The following ARSB variants were observed in gnomAD, a reference collection of about 807,000 sequenced individuals.
The protein encoded by ARSB is arylsulfatase B.
ARSB carries 41 observed loss-of-function variants against 50.9 expected under a neutral mutation model. That is an observed-to-expected ratio of 0.81 (90% CI 0.63 to 1.04). The LOEUF is 1.04. Among genes scored for constraint, ARSB ranks in the 50% least tolerant of loss-of-function variants. ARSB has a pLI of 0.00. For synonymous variants in ARSB, 269 were observed against 284.8 expected (o/e 0.94, Z 0.56); for missense variants, 672 against 693.3 (o/e 0.97, Z 0.35).
Position 78,780,228 on chromosome 5 carries a change from T to G in ARSB, c.*169A>C. 2 of 863,254 alleles carry G rather than the reference T, an allele frequency of 2.3e-6. No individual in the cohort carries two copies. Among genetic ancestry groups the G allele is most frequent in the Non-Finnish European group, 3.6e-6 (2 of 551,754 alleles). 53.5% of individuals were successfully genotyped at this position (863,254 alleles called of 1,614,324 possible). A position where few individuals can be genotyped will look rare whatever the true frequency, so the allele number is the denominator to read the frequency against. ...CCAACAGCAGGAGTGTTGCAGATTTTATCAGCTTCTTAAATGCATTAGGGG... is the reference window on the plus strand; with the variant it reads ...CCAACAGCAGGAGTGTTGCAGATTTGATCAGCTTCTTAAATGCATTAGGGG... On this transcript the variant is annotated 3_prime_UTR_variant, in exon 8 of 8. Coordinates refer to ENST00000264914, the MANE Select transcript of ARSB (RefSeq NM_000046.5).
At chr5:78,859,091 G>T (rs1746297009) in intron 5 of ARSB, among the ~76,000 whole-genome samples, 1 of 152,142 alleles carries the variant, frequency 6.6e-6, no homozygotes, top group African/African-American at 2.4e-5. Context: ...TATTTCCTTT[G>T]TTAAGGGTGT....
At chr5:78,849,725 C>A (rs1745657154) in intron 5 of ARSB, among the ~76,000 whole-genome samples, 1 of 145,812 alleles carries the variant, frequency 6.9e-6, no homozygotes, top group African/African-American at 2.5e-5. Flanking sequence ...TTTGTATCCT[C>A]TTTTATTTCC....
At chr5:78,856,656 G>T (rs1746160060) in intron 5 of ARSB, among the ~76,000 whole-genome samples, 1 of 152,184 alleles carries the variant, frequency 6.6e-6, no homozygotes, top group Non-Finnish European at 1.5e-5. Context: ...CCATAAAATG[G>T]TTGTGGGGTT....
chr5:78,884,587 C>G (rs1178252965), intron 5 of ARSB: 1 of 152,132 alleles, frequency 6.6e-6, no homozygotes, highest in East Asian at 1.9e-4. Flanking sequence ...GCTGCTAACC[C>G]CAAACAGAGC....
chr5:78,904,480 T>C (rs183534313), intron 4 of ARSB, among the ~76,000 whole-genome samples: 134 of 152,184 alleles, frequency 8.8e-4, no homozygotes, highest in Non-Finnish European at 1.7e-3. Context: ...CTTGAATTTG[T>C]ACATGTATCT....
At chr5:78,963,312 G>A (rs906269911) in intron 3 of ARSB, among the ~76,000 whole-genome samples, 2 of 152,144 alleles carry the variant, frequency 1.3e-5, no homozygotes, top group African/African-American at 2.4e-5. Context: ...GCAGCACCAC[G>A]AGCCAAATAA....
chr5:78,847,903 G>A (rs923817153), intron 5 of ARSB, among the ~76,000 whole-genome samples: 3 of 151,922 alleles, frequency 2.0e-5, no homozygotes, highest in African/African-American at 7.2e-5. Flanking sequence ...GGTATCAGTT[G>A]CAATGTCTCC....
At chr5:78,946,437 T>C (rs553220737) in intron 4 of ARSB, among the ~76,000 whole-genome samples, 2 of 152,206 alleles carry the variant, frequency 1.3e-5, no homozygotes, top group Admixed American at 6.5e-5. Context: ...CAGTAACATA[T>C]AAAAATCGGT....
rs1226297582 is a variant in ARSB, at chr5:78,850,018, T to C, written c.1143-10592A>G. Among the ~76,000 whole-genome samples the C allele has an allele frequency of 2.8e-3, 413 of 147,812 alleles. 1 individual carries two copies. The highest frequency in any genetic ancestry group is 9.1e-3 in the African/African-American group (369 of 40,554). On this transcript the variant is annotated intron_variant, in intron 5 of 7. Coordinates refer to ENST00000264914, the MANE Select transcript of ARSB (RefSeq NM_000046.5). ...CATGTCATCTGCAAACAGGGACAAT[T>C]TGACTTCCTCTTTTCCTAATTGAAT...
intron 4 of ARSB, among the ~76,000 whole-genome samples, chr5:78,902,782 T>A (rs1020754939): frequency 2.0e-5 from 3 of 152,194 alleles, no homozygotes; most frequent in African/African-American, 7.2e-5. Flanking sequence ...TGGGAGTAAC[T>A]GCTAAGGGGT....
At chr5:78,834,036 T>C (rs1025170609) in intron 6 of ARSB, among the ~76,000 whole-genome samples, 3 of 152,130 alleles carry the variant, frequency 2.0e-5, no homozygotes, top group African/African-American at 4.8e-5. Flanking sequence ...TGTAAGACAA[T>C]AAAACAATGA....
chr5:78,909,766 C>G (rs937994350), intron 4 of ARSB, among the ~76,000 whole-genome samples: 2 of 152,074 alleles, frequency 1.3e-5, no homozygotes, highest in Non-Finnish European at 2.9e-5. Context: ...ACCTGACCAT[C>G]CCCCCAGCCC....
intron 5 of ARSB, among the ~76,000 whole-genome samples, chr5:78,881,558 C>T (rs531869391): frequency 6.6e-6 from 1 of 152,080 alleles, no homozygotes; most frequent in Admixed American, 6.5e-5. Context: ...CTTTCAAAGA[C>T]AAAATACAAA....
At chr5:78,855,217 CCA>C (rs1746075811) in intron 5 of ARSB, among the ~76,000 whole-genome samples, 1 of 152,196 alleles carries the variant, frequency 6.6e-6, no homozygotes, top group African/African-American at 2.4e-5. Context: ...TACAAATTCC[CCA>C]GAGGGTGATG....
rs1748835114 is a variant in ARSB at position 78,778,551 on chromosome 5, AGTGTC to A, written c.*1841_*1845del. The A allele has an allele frequency of 6.6e-6, 1 of 152,220 alleles. No individual in the cohort carries two copies. Among genetic ancestry groups the A allele is most frequent in the African/African-American group, 2.4e-5 (1 of 41,452 alleles). 9.4% of individuals were successfully genotyped at this position (152,220 alleles called of 1,614,324 possible). A position where few individuals can be genotyped will look rare whatever the true frequency, so the allele number is the denominator to read the frequency against. ...AGAGGACGCTACAACCTTGCTATAGAGTGTCCTGTGACTGCCCAGTGATGTAGATT... is the reference window on the plus strand; with the variant it reads ...AGAGGACGCTACAACCTTGCTATAGACTGTGACTGCCCAGTGATGTAGATT... On this transcript the variant is annotated 3_prime_UTR_variant, in exon 8 of 8. Transcript: ENST00000264914.
intron 6 of ARSB, among the ~76,000 whole-genome samples, chr5:78,834,688 G>A (rs1744868868): frequency 7.5e-6 from 1 of 132,686 alleles, no homozygotes; most frequent in Non-Finnish European, 1.6e-5. Flanking sequence ...TGGACATTTG[G>A]GTTGCTACTA....
chr5:78,797,038 T>A (rs1743210615), intron 6 of ARSB, among the ~76,000 whole-genome samples: 1 of 152,048 alleles, frequency 6.6e-6, no homozygotes, highest in Non-Finnish European at 1.5e-5. Flanking sequence ...CCACTATGCC[T>A]GGCTAATTTT....
At chr5:78,864,325 A>G (rs1397995272) in intron 5 of ARSB, among the ~76,000 whole-genome samples, 1 of 152,196 alleles carries the variant, frequency 6.6e-6, no homozygotes, top group African/African-American at 2.4e-5. Flanking sequence ...AGCAAGTCCC[A>G]TCTTACATGG....
intron 4 of ARSB, among the ~76,000 whole-genome samples, chr5:78,886,193 C>G (rs1366862657): frequency 2.0e-5 from 3 of 152,158 alleles, no homozygotes; most frequent in Admixed American, 2.0e-4. Flanking sequence ...AGCTGGGACC[C>G]TCTCCATGCA....
Sources: allele counts gnomAD v4.1 joint callset (sites outside exome capture counted in the v4.1 genomes callset), GRCh38; gene constraint gnomAD v4.1.1; transcripts MANE v1.5; gene names NCBI Gene and HGNC (gene_info 2026-07-23, HGNC 2026-07-21).